The following TSHZ2 variants were observed in gnomAD, a reference collection of about 807,000 sequenced individuals.
TSHZ2 encodes teashirt zinc finger homeobox 2.
TSHZ2 carries 21 observed loss-of-function variants against 74.4 expected under a neutral mutation model. That is an observed-to-expected ratio of 0.28 (90% confidence interval 0.20 to 0.41). The LOEUF is 0.41. Among genes scored for constraint, TSHZ2 ranks in the 10% least tolerant of loss-of-function variants. The pLI, the probability that TSHZ2 is intolerant of heterozygous loss-of-function variation, is 1.00. For missense variants in TSHZ2, 1,244 were observed against 1,293.5 expected, an observed-to-expected ratio of 0.96 and a Z score of 0.59; for synonymous variants, 540 against 515.3, an observed-to-expected ratio of 1.05 and a Z score of -0.65.
chr20:53,468,631 CA>C (rs1985632439), intron 2 of TSHZ2, among the ~76,000 whole-genome samples: 1 of 120,106 alleles, frequency 8.3e-6, no homozygotes, highest in Non-Finnish European at 1.6e-5. Flanking sequence ...CATAGACATG[CA>C]AAGTTGATTA....
intron 1 of TSHZ2, among the ~76,000 whole-genome samples, chr20:53,192,302 A>C (rs912676393): frequency 1.8e-4 from 28 of 152,152 alleles, no homozygotes; most frequent in Non-Finnish European, 2.2e-4. Flanking sequence ...TAAAAAAAAA[A>C]AAAAACAAAA....
chr20:53,030,583 G>A (rs1249593344), intron 1 of TSHZ2, among the ~76,000 whole-genome samples: 2 of 152,200 alleles, frequency 1.3e-5, no homozygotes, highest in Admixed American at 6.5e-5. Flanking sequence ...ATGAGATATA[G>A]ATGGAGATAT....
At chr20:53,236,598 T>C (rs1989944591) in intron 1 of TSHZ2, among the ~76,000 whole-genome samples, 1 of 152,310 alleles carries the variant, frequency 6.6e-6, no homozygotes, top group Admixed American at 6.5e-5. Context: ...ATGAACTCAC[T>C]TCAAAGCTAG....
At chr20:53,345,559 TA>T (rs1980404573) in intron 2 of TSHZ2, among the ~76,000 whole-genome samples, 1 of 152,112 alleles carries the variant, frequency 6.6e-6, no homozygotes, top group Non-Finnish European at 1.5e-5. Flanking sequence ...TGTGAGGAAC[TA>T]CTTCACTCTA....
intron 2 of TSHZ2, among the ~76,000 whole-genome samples, chr20:53,413,307 C>A (rs933711669): frequency 6.6e-6 from 1 of 152,222 alleles, no homozygotes; most frequent in African/African-American, 2.4e-5. Context: ...CTGCAGATGT[C>A]TCCGCCAGTG....
At chr20:52,979,497 G>T (rs961500628) in intron 1 of TSHZ2, among the ~76,000 whole-genome samples, 2 of 152,118 alleles carry the variant, frequency 1.3e-5, no homozygotes, top group South Asian at 2.1e-4. Context: ...ATCAGACTGA[G>T]GTCCGTTCAA....
chr20:53,322,280 A>G (rs1173945249), intron 2 of TSHZ2, among the ~76,000 whole-genome samples: 3 of 152,234 alleles, frequency 2.0e-5, no homozygotes, highest in Non-Finnish European at 4.4e-5. Flanking sequence ...TGGGACGCCA[A>G]GGCGGGTGGA....
chr20:53,204,551 A>G (rs549593582), intron 1 of TSHZ2, among the ~76,000 whole-genome samples: 14 of 152,162 alleles, frequency 9.2e-5, no homozygotes, highest in African/African-American at 1.4e-4. Flanking sequence ...AATTCCATGC[A>G]TAGCTGACAT....
At chr20:53,048,930 T>G (rs1984328733) in intron 1 of TSHZ2, among the ~76,000 whole-genome samples, 1 of 152,196 alleles carries the variant, frequency 6.6e-6, no homozygotes, top group African/African-American at 2.4e-5. Flanking sequence ...AGGTCAGAGA[T>G]TCACCCAGCT....
chr20:53,479,432 A>G (rs1008029886), intron 2 of TSHZ2, among the ~76,000 whole-genome samples: 3 of 152,200 alleles, frequency 2.0e-5, no homozygotes, highest in Admixed American at 6.5e-5. Flanking sequence ...AGGCAGACTC[A>G]CCGTGAACAT....
intron 1 of TSHZ2, among the ~76,000 whole-genome samples, chr20:53,088,766 A>AAAG (rs1464129765): frequency 6.6e-6 from 1 of 152,154 alleles, no homozygotes; most frequent in Non-Finnish European, 1.5e-5. Context: ...TCTGTCTGAG[A>AAAG]AAGAGAGTGC....
At chr20:53,332,381 A>G (rs1979760837) in intron 2 of TSHZ2, among the ~76,000 whole-genome samples, 1 of 152,216 alleles carries the variant, frequency 6.6e-6, no homozygotes, top group South Asian at 2.1e-4. Context: ...CCTGGGGTGC[A>G]ACACAGCATG....
At chr20:53,454,404 A>T (rs372322236) in intron 2 of TSHZ2, among the ~76,000 whole-genome samples, 112 of 152,124 alleles carry the variant, frequency 7.4e-4, no homozygotes, top group African/African-American at 2.3e-3. Flanking sequence ...TTTACTAAAA[A>T]TACAAAAATT....
At chr20:53,473,719 AG>A in intron 2 of TSHZ2, among the ~76,000 whole-genome samples, 1 of 151,946 alleles carries the variant, frequency 6.6e-6, no homozygotes, top group Non-Finnish European at 1.5e-5. Flanking sequence ...GAGCTACGGG[AG>A]GACATTCAAA....
intron 2 of TSHZ2, among the ~76,000 whole-genome samples, chr20:53,442,297 A>AC (rs1984365945): frequency 1.3e-5 from 2 of 151,960 alleles, no homozygotes; most frequent in Non-Finnish European, 2.9e-5. Flanking sequence ...GGAAAAGCAA[A>AC]CCCCATGTCA....
chr20:52,994,830 T>C (rs558896405), intron 1 of TSHZ2, among the ~76,000 whole-genome samples: 5 of 152,336 alleles, frequency 3.3e-5, no homozygotes, highest in African/African-American at 1.2e-4. Flanking sequence ...TCCTGGAAAC[T>C]GTGATAACCA....
At chr20:52,997,600 C>A (rs1328935401) in intron 1 of TSHZ2, among the ~76,000 whole-genome samples, 1 of 151,996 alleles carries the variant, frequency 6.6e-6, no homozygotes, top group African/African-American at 2.4e-5. Flanking sequence ...CTGGGCTGTC[C>A]TCTCCCCAGC....
At chr20:53,053,064 G>A (rs1984527544) in intron 1 of TSHZ2, among the ~76,000 whole-genome samples, 1 of 152,154 alleles carries the variant, frequency 6.6e-6, no homozygotes, top group Non-Finnish European at 1.5e-5. Flanking sequence ...GCCCTAGGCA[G>A]CCTCCGGTAC....
At chr20:53,100,802 A>T (rs1413741654) in intron 1 of TSHZ2, among the ~76,000 whole-genome samples, 1 of 152,220 alleles carries the variant, frequency 6.6e-6, no homozygotes, top group Admixed American at 6.5e-5. Context: ...TCCTCGCTTA[A>T]GGCAAAGTAA....
Sources: gnomAD v4.1 joint callset for allele counts (sites outside exome capture counted in the v4.1 genomes callset) on GRCh38, gnomAD v4.1.1 for gene constraint, MANE v1.5 for transcripts, NCBI Gene and HGNC (gene_info 2026-07-23, HGNC 2026-07-21) for gene names.